Variants in PCDH15 observed in about 807,000 individuals in gnomAD.
The protein encoded by PCDH15 is protocadherin related 15.
PCDH15 carries 129 observed loss-of-function variants against 178.5 expected under a neutral mutation model. The observed-to-expected ratio is 0.72, with a 90% CI of 0.63 to 0.84. PCDH15 has a LOEUF of 0.84. Among genes scored for constraint, PCDH15 ranks in the 40% least tolerant of loss-of-function variants. The probability of loss-of-function intolerance (pLI) is 0.00; values close to 1 mark genes in which losing one functional copy is unlikely to be tolerated. For synonymous variants in PCDH15, 800 were observed against 732.0 expected, an observed-to-expected ratio of 1.09 and a Z score of -1.50; for missense variants, 2,230 against 2,099.9, an observed-to-expected ratio of 1.06 and a Z score of -1.21.
chr10:54,848,689 T>G (rs892806356), intron 3 of PCDH15, among the ~76,000 whole-genome samples: 4 of 152,202 alleles, frequency 2.6e-5, no homozygotes, highest in Admixed American at 1.3e-4. Flanking sequence ...ACTAGTACAT[T>G]GACCCTGATC....
chr10:55,574,796 T>C (rs1047362080), intron 2 of PCDH15, among the ~76,000 whole-genome samples: 1 of 152,018 alleles, frequency 6.6e-6, no homozygotes, highest in East Asian at 1.9e-4. Flanking sequence ...GAAAACTCTA[T>C]GAGGGTGGAT....
chr10:54,563,106 T>C (rs552063885), intron 2 of PCDH15, among the ~76,000 whole-genome samples: 1 of 152,202 alleles, frequency 6.6e-6, no homozygotes, highest in Admixed American at 6.5e-5. Flanking sequence ...ATAAAGGAAA[T>C]AAAAAAAGTG....
intron 3 of PCDH15, among the ~76,000 whole-genome samples, chr10:54,455,007 T>C (rs2076728052): frequency 6.6e-6 from 1 of 152,150 alleles, no homozygotes; most frequent in African/African-American, 2.4e-5. Context: ...TGATAGTGAA[T>C]TTGTTCTCAC....
intron 10 of PCDH15, among the ~76,000 whole-genome samples, chr10:54,210,406 C>T (rs1056999811): frequency 6.6e-6 from 1 of 151,828 alleles, no homozygotes; most frequent in Non-Finnish European, 1.5e-5. Flanking sequence ...GGTGTAGGGG[C>T]ATGGGATGCA....
intron 2 of PCDH15, among the ~76,000 whole-genome samples, chr10:55,456,684 A>C (rs1839561122): frequency 6.6e-6 from 1 of 152,056 alleles, no homozygotes; most frequent in Non-Finnish European, 1.5e-5. Flanking sequence ...CTTTTATTGG[A>C]TAAGGACTGA....
chr10:54,413,262 A>C (rs1323252389), intron 3 of PCDH15, among the ~76,000 whole-genome samples: 1 of 152,174 alleles, frequency 6.6e-6, no homozygotes, highest in Non-Finnish European at 1.5e-5. Flanking sequence ...ATGGTTGGCT[A>C]TCTATTACAG....
At chr10:54,432,428 A>T (rs1247340811) in intron 3 of PCDH15, among the ~76,000 whole-genome samples, 1 of 152,124 alleles carries the variant, frequency 6.6e-6, no homozygotes, top group African/African-American at 2.4e-5. Flanking sequence ...AAATCCACAC[A>T]TCTATAGTGA....
chr10:53,824,780 C>A (rs2076564288), intron 32 of PCDH15, among the ~76,000 whole-genome samples: 1 of 151,928 alleles, frequency 6.6e-6, no homozygotes, highest in African/African-American at 2.4e-5. Flanking sequence ...ATGGATATAA[C>A]AATATCACAT....
At chr10:55,077,875 G>A (rs969671720) in intron 2 of PCDH15, among the ~76,000 whole-genome samples, 1 of 151,982 alleles carries the variant, frequency 6.6e-6, no homozygotes, top group African/African-American at 2.4e-5. Flanking sequence ...TATCATTTCA[G>A]TTTTTTCTCT....
At chr10:54,806,930 T>C (rs958265191) in intron 3 of PCDH15, among the ~76,000 whole-genome samples, 1 of 152,188 alleles carries the variant, frequency 6.6e-6, no homozygotes, top group Non-Finnish European at 1.5e-5. Flanking sequence ...GGAGAAGCTA[T>C]GTATACTAGC....
chr10:55,227,832 C>T lies in PCDH15; in HGVS notation c.-155-61181G>A, dbSNP rs533255931. Among the ~76,000 whole-genome samples, 4 of 152,010 alleles carry T rather than the reference C, an allele frequency of 2.6e-5. No individual in the cohort carries two copies. The South Asian group carries it at 6.2e-4, about 24-fold the overall frequency. The stretch of plus-strand genomic sequence containing the variant: ...ACGGGAGAAGGCAATGAATGTTTGT[C>T]GAAGAGAAGGAGTAGTGAAAAAATC... On this transcript the variant is annotated intron_variant, in intron 1 of 5. Coordinates refer to the PCDH15 transcript ENST00000458638.
chr10:53,836,515 G>A (rs202028994), intron 29 of PCDH15, among the ~76,000 whole-genome samples: 1 of 59,086 alleles, frequency 1.7e-5, no homozygotes, highest in African/African-American at 5.0e-5. Flanking sequence ...CCTACAGCAC[G>A]CAGGCCTCTA....
At chr10:54,685,257 G>T (rs911541291) in intron 1 of PCDH15, among the ~76,000 whole-genome samples, 1 of 151,908 alleles carries the variant, frequency 6.6e-6, no homozygotes, top group East Asian at 1.9e-4. Context: ...GTCTGAGGGT[G>T]GTTTACAGTT....
intron 2 of PCDH15, among the ~76,000 whole-genome samples, chr10:55,328,587 T>C (rs1194614349): frequency 6.6e-6 from 1 of 151,638 alleles, no homozygotes; most frequent in Non-Finnish European, 1.5e-5. Context: ...GCTGTATATA[T>C]ACTCAACACT....
chr10:55,042,053 G>A (rs146307264), intron 2 of PCDH15, among the ~76,000 whole-genome samples: 42 of 152,202 alleles, frequency 2.8e-4, no homozygotes, highest in African/African-American at 7.7e-4. Context: ...ATACAAGGCG[G>A]GAAGAGTTAG....
intron 1 of PCDH15, among the ~76,000 whole-genome samples, chr10:55,311,252 G>A (rs1300918477): frequency 6.6e-6 from 1 of 152,086 alleles, no homozygotes; most frequent in African/African-American, 2.4e-5. Flanking sequence ...ATTTTCAGAT[G>A]GGACAGCTTA....
Position 53,942,226 on chromosome 10 carries a change from G to A in PCDH15, c.3123-1251C>T, listed in dbSNP as rs541964008. Among the ~76,000 whole-genome samples the A allele has an allele frequency of 2.0e-5, 3 of 152,264 alleles. No individual in the cohort carries two copies. In the South Asian group the frequency reaches 6.2e-4, roughly 32 times the overall value. Reference sequence around the variant, plus strand: ...GAACCAATCTGTATCATTTTAAAATGAAGTGTGTAAAGTAGATATTTAATT... The same window carrying A: ...GAACCAATCTGTATCATTTTAAAATAAAGTGTGTAAAGTAGATATTTAATT... On this transcript the variant is annotated intron_variant, in intron 23 of 37. Transcript: ENST00000644397.
intron 3 of PCDH15, among the ~76,000 whole-genome samples, chr10:54,453,144 C>T (rs1184393169): frequency 6.6e-6 from 1 of 152,020 alleles, no homozygotes; most frequent in African/African-American, 2.4e-5. Flanking sequence ...ACCCAGCCAT[C>T]CCATTACTGG....
chr10:53,882,835 A>ATCTTAATGTGTATT (rs1430654089), intron 26 of PCDH15, among the ~76,000 whole-genome samples: 1 of 152,178 alleles, frequency 6.6e-6, no homozygotes, highest in Non-Finnish European at 1.5e-5. Context: ...TATTATGTGT[A>ATCTTAATGTGTATT]AAGATGAAAA....
Sources: gnomAD v4.1 joint callset for allele counts (sites outside exome capture counted in the v4.1 genomes callset) on GRCh38, gnomAD v4.1.1 for gene constraint, MANE v1.5 for transcripts, NCBI Gene and HGNC (gene_info 2026-07-23, HGNC 2026-07-21) for gene names.